DTNA: variants seen among roughly 807,000 people sequenced by gnomAD.
The protein encoded by DTNA is dystrophin-related protein 3.
DTNA carries 43 observed loss-of-function variants against 100.7 expected under a neutral mutation model. The observed-to-expected ratio is 0.43, with a 90% CI of 0.33 to 0.55. DTNA has a LOEUF of 0.55. DTNA is among the 20% of genes least tolerant of loss of function. DTNA has a pLI of 0.04. For missense variants in DTNA, 798 were observed against 953.9 expected, an observed-to-expected ratio of 0.84 and a Z score of 2.15; for synonymous variants, 349 against 347.9, an observed-to-expected ratio of 1.00 and a Z score of -0.04.
At chr18:34,673,381 C>A (rs72953211) in intron 1 of DTNA, among the ~76,000 whole-genome samples, 18,031 of 152,136 alleles carry the variant, frequency 0.12, 1,156 homozygotes, top group Non-Finnish European at 0.14. Flanking sequence ...TTCAAGGGAT[C>A]TGCTTGCCTT....
intron 1 of DTNA, among the ~76,000 whole-genome samples, chr18:34,734,024 A>G (rs2088955240): frequency 1.3e-5 from 2 of 152,162 alleles, no homozygotes; most frequent in South Asian, 4.1e-4. Flanking sequence ...CCTGTTCTCC[A>G]GATTTTTGTT....
intron 1 of DTNA, among the ~76,000 whole-genome samples, chr18:34,712,351 A>G (rs1298296081): frequency 6.6e-6 from 1 of 152,124 alleles, no homozygotes; most frequent in African/African-American, 2.4e-5. Flanking sequence ...TTCCATCTTT[A>G]AAATACATGA....
chr18:34,790,605 TC>T (rs2094696072), intron 3 of DTNA, among the ~76,000 whole-genome samples: 1 of 142,008 alleles, frequency 7.0e-6, no homozygotes, highest in Non-Finnish European at 1.5e-5. Flanking sequence ...GGAGTCTCGC[TC>T]TGTTGCCCAG....
chr18:34,574,083 T>C (rs927158725), intron 1 of DTNA: 11 of 152,490 alleles, frequency 7.2e-5, no homozygotes, highest in African/African-American at 2.7e-4. Flanking sequence ...GACAGTGAAG[T>C]GGATGTTACA....
intron 1 of DTNA, among the ~76,000 whole-genome samples, chr18:34,519,982 G>A (rs1340610659): frequency 6.6e-6 from 1 of 152,110 alleles, no homozygotes; most frequent in Non-Finnish European, 1.5e-5. Flanking sequence ...ATGTTTACTT[G>A]CATAGGTGAC....
chr18:34,698,434 A>G (rs2080904114), intron 1 of DTNA, among the ~76,000 whole-genome samples: 1 of 152,170 alleles, frequency 6.6e-6, no homozygotes, highest in Admixed American at 6.5e-5. Flanking sequence ...TAGTCCTGGC[A>G]TTCCTTGGCT....
chr18:34,640,859 A>G (rs2059198459), intron 1 of DTNA, among the ~76,000 whole-genome samples: 1 of 152,100 alleles, frequency 6.6e-6, no homozygotes, highest in Non-Finnish European at 1.5e-5. Context: ...TTTTTTTCTT[A>G]TGGCCTTCTA....
chr18:34,510,417 C>T (rs935173416), intron 1 of DTNA, among the ~76,000 whole-genome samples: 3 of 151,782 alleles, frequency 2.0e-5, no homozygotes, highest in East Asian at 1.9e-4. Context: ...TGGTTCCTTG[C>T]GTGTGCTTCT....
intron 1 of DTNA, among the ~76,000 whole-genome samples, chr18:34,685,821 T>C (rs1023797328): frequency 6.6e-6 from 1 of 152,232 alleles, no homozygotes; most frequent in East Asian, 1.9e-4. Flanking sequence ...CCTTGAGCAG[T>C]GGTTTGTAGT....
At chr18:34,623,116 A>G (rs1852516263) in intron 1 of DTNA, among the ~76,000 whole-genome samples, 1 of 152,182 alleles carries the variant, frequency 6.6e-6, no homozygotes, top group African/African-American at 2.4e-5. Flanking sequence ...CCCATGGGGC[A>G]GATCTCCCAG....
At chr18:34,522,678 A>G (rs2042254944) in intron 1 of DTNA, among the ~76,000 whole-genome samples, 1 of 152,206 alleles carries the variant, frequency 6.6e-6, no homozygotes, top group African/African-American at 2.4e-5. Context: ...AGAGCCAACA[A>G]GTGTGGTCAA....
chr18:34,642,217 A>T (rs1387394074), intron 1 of DTNA, among the ~76,000 whole-genome samples: 2 of 152,160 alleles, frequency 1.3e-5, no homozygotes, highest in African/African-American at 4.8e-5. Context: ...GCCAAATTGA[A>T]TGTGGCATCA....
At chr18:34,870,338 A>G (rs1338121727) in intron 17 of DTNA, among the ~76,000 whole-genome samples, 1 of 152,132 alleles carries the variant, frequency 6.6e-6, no homozygotes. Context: ...ACTTCATGGA[A>G]TACTAGCAGG....
At chr18:34,508,597 T>A (rs573291107) in intron 1 of DTNA, among the ~76,000 whole-genome samples, 14 of 152,306 alleles carry the variant, frequency 9.2e-5, no homozygotes, top group Non-Finnish European at 1.3e-4. Context: ...TGCTGAAATA[T>A]AGACAGATGC....
chr18:34,512,306 A>G (rs572662355), intron 1 of DTNA, among the ~76,000 whole-genome samples: 1 of 151,994 alleles, frequency 6.6e-6, no homozygotes, highest in East Asian at 1.9e-4. Flanking sequence ...ACTGTGTGAG[A>G]AATGGGGTTA....
rs200132929 is a variant in DTNA, at chr18:34,767,220, G to A, written c.148+1179G>A. Among the ~76,000 whole-genome samples the A allele has an allele frequency of 8.5e-3, 174 of 20,374 alleles. 1 individual carries two copies. In the East Asian group the frequency reaches 0.21, roughly 25 times the overall value. 13.4% of individuals were successfully genotyped at this position (20,374 alleles called of 152,430 possible). On this transcript the variant is annotated intron_variant, in intron 3 of 22. Coordinates refer to ENST00000444659, the MANE Select transcript of DTNA (RefSeq NM_001386795.1). Reference sequence around the variant, plus strand: ...GGCATGGTAATTAGACTCATGGTAAGGGTAGAAACCGGCATCTCCACATGT... The same window carrying A: ...GGCATGGTAATTAGACTCATGGTAAAGGTAGAAACCGGCATCTCCACATGT...
intron 1 of DTNA, among the ~76,000 whole-genome samples, chr18:34,495,896 T>G (rs1483893292): frequency 1.3e-5 from 2 of 151,374 alleles, no homozygotes; most frequent in Non-Finnish European, 3.0e-5. Flanking sequence ...CATTTGAGCT[T>G]ATCATAGAGC....
chr18:34,868,042 A>T, intron 17 of DTNA: 1 of 974,754 alleles, frequency 1.0e-6, no homozygotes. Context: ...AAAAGATATA[A>T]ACAGTGACTT....
intron 1 of DTNA, among the ~76,000 whole-genome samples, chr18:34,621,136 T>C (rs1732792546): frequency 6.7e-6 from 1 of 149,466 alleles, no homozygotes. Flanking sequence ...TTCTTAAGGA[T>C]CATCATATAT....
Sources: allele counts gnomAD v4.1 joint callset (sites outside exome capture counted in the v4.1 genomes callset), GRCh38; gene constraint gnomAD v4.1.1; transcripts MANE v1.5; gene names NCBI Gene and HGNC (gene_info 2026-07-23, HGNC 2026-07-21).